Variants in HADHB observed in about 807,000 individuals in gnomAD.
The protein encoded by HADHB is trifunctional enzyme subunit beta, mitochondrial.
Under a neutral mutation model 61.9 loss-of-function variants are expected in HADHB, and 50 were observed. The ratio of observed to expected loss-of-function variants is 0.81; its 90% CI spans 0.64 to 1.02. The LOEUF is 1.02. Ranked by LOEUF, HADHB falls within the 50% of genes least tolerant of loss-of-function variation. The pLI, the probability that HADHB is intolerant of heterozygous loss-of-function variation, is 0.00. For missense variants in HADHB, 504 were observed against 586.5 expected, an observed-to-expected ratio of 0.86 and a Z score of 1.45; for synonymous variants, 191 against 201.6, an observed-to-expected ratio of 0.95 and a Z score of 0.45.
chr2:26,285,494 G>T lies in HADHB; in HGVS notation c.1312G>T (p.Val438Phe), dbSNP rs765432347. The change falls in exon 15 of 16, where the codon GTC becomes TTC. Residue 438 changes from valine to phenylalanine, a missense_variant. Val to Phe is a conservative substitution (Grantham distance 50). Transcript: ENST00000317799. ...ATTTGGAGCCACTGGCTGCAGGTTG[G>T]TCATGGCTGCTGCCAACAGATTACG... ...HPFGATGCRL[V>F]MAAANRLRKE... 7.4e-6 allele frequency: 12 copies of T among 1,613,954 alleles called. No homozygotes were observed. In the East Asian group the frequency reaches 2.5e-4, roughly 33 times the overall value.
At chr2:26,265,331 C>T (rs1427283072) in intron 4 of HADHB, among the ~76,000 whole-genome samples, 1 of 152,190 alleles carries the variant, frequency 6.6e-6, no homozygotes, top group Non-Finnish European at 1.5e-5. Context: ...TTCAGTGGCT[C>T]ACACCTGTAA....
At chr2:26,280,223 A>G (rs1672729864) in intron 10 of HADHB, 108 bp downstream of exon 10, 7 of 892,176 alleles carry the variant, frequency 7.8e-6, no homozygotes, top group Non-Finnish European at 1.1e-5. Context: ...AGGGTTAAAA[A>G]TATAGTTATT....
chr2:26,273,244 C>T (rs1044653284), intron 5 of HADHB, among the ~76,000 whole-genome samples: 22 of 151,358 alleles, frequency 1.5e-4, no homozygotes, highest in African/African-American at 5.4e-4. Context: ...TTAACATACC[C>T]AGGACTTCTT....
chr2:26,271,727 T>C (rs1228985530), intron 5 of HADHB, among the ~76,000 whole-genome samples: 1 of 152,070 alleles, frequency 6.6e-6, no homozygotes, highest in Non-Finnish European at 1.5e-5. Context: ...GGAGGATCTT[T>C]TGAGCCCAGG....
chr2:26,287,587 C>T (rs1002141098), intron 15 of HADHB, among the ~76,000 whole-genome samples: 3 of 152,302 alleles, frequency 2.0e-5, no homozygotes, highest in Admixed American at 6.5e-5. Context: ...ATACCTAGCA[C>T]CTTTCTTCTA....
chr2:26,262,913 C>G (rs895721449), intron 3 of HADHB, among the ~76,000 whole-genome samples: 2 of 151,868 alleles, frequency 1.3e-5, no homozygotes, highest in Non-Finnish European at 2.9e-5. Flanking sequence ...AATTTCTTAG[C>G]CTTTTTTTAA....
At chr2:26,264,573 A>AAAAAG (rs1553319804) in intron 4 of HADHB, among the ~76,000 whole-genome samples, 2 of 147,470 alleles carry the variant, frequency 1.4e-5, no homozygotes, top group Non-Finnish European at 1.5e-5. Context: ...AAAAAAAAAA[A>AAAAAG]GCAAGGTGCA....
intron 3 of HADHB, among the ~76,000 whole-genome samples, chr2:26,257,127 T>TC (rs1236448285): frequency 4.0e-5 from 6 of 150,018 alleles, no homozygotes; most frequent in African/African-American, 1.2e-4. Flanking sequence ...TTTTTTTTTT[T>TC]TCTTTTTTTT....
At chr2:26,269,929 A>G (rs1421631730) in intron 4 of HADHB, 24 bp from the exon 5 acceptor site, 1 of 1,572,490 alleles carries the variant, frequency 6.4e-7, no homozygotes, top group Non-Finnish European at 8.8e-7. Context: ...GTTTTGGTTT[A>G]AATTACTGGT....
At chr2:26,277,233 CTTTTTT>C (rs34696184) in intron 7 of HADHB, 73 bp downstream of exon 7, 209 of 438,482 alleles carry the variant, frequency 4.8e-4, no homozygotes, top group Middle Eastern at 1.4e-3. Context: ...TAAAAATGTA[CTTTTTT>C]TTTTTTTTTT....
chr2:26,277,646 T>C (rs1672604259), intron 7 of HADHB, among the ~76,000 whole-genome samples: 1 of 152,210 alleles, frequency 6.6e-6, no homozygotes, highest in African/African-American at 2.4e-5. Context: ...GTTAACCTCT[T>C]TTTTTGCTCT....
intron 3 of HADHB, among the ~76,000 whole-genome samples, chr2:26,262,408 G>A (rs570231454): frequency 6.6e-6 from 1 of 151,998 alleles, no homozygotes; most frequent in Non-Finnish European, 1.5e-5. Flanking sequence ...TAAAAGAAAC[G>A]ATTTGAAAGT....
Position 26,289,930 on chromosome 2 carries a change from A to G in HADHB, c.1402A>G (p.Ile468Val). ...GTTTTCTTTACAGGGCCATGCTATG[A>G]TAGTGGAAGCTTATCCAAAATAATA... ...CAAGGQGHAMIVEAYPK is the reference protein window; with the variant it reads ...CAAGGQGHAMVVEAYPK Residue 468 changes from isoleucine (I) to valine (V), a missense_variant, in exon 16 of 16, where the codon ATA becomes GTA. Physicochemically the swap from Ile to Val is conservative, Grantham distance 29. Transcript: ENST00000317799. 5 of 1,608,832 alleles carry G rather than the reference A, an allele frequency of 3.1e-6. No homozygotes were observed. Among genetic ancestry groups the G allele is most frequent in the Non-Finnish European group, 4.3e-6 (5 of 1,175,212 alleles).
At chr2:26,282,423 G>C (rs1317914156) in intron 10 of HADHB, among the ~76,000 whole-genome samples, 1 of 151,674 alleles carries the variant, frequency 6.6e-6, no homozygotes, top group Non-Finnish European at 1.5e-5. Context: ...ACCACACCTG[G>C]CTAAGTTTTT....
chr2:26,279,144 G>A lies in HADHB; in HGVS notation c.640G>A (p.Val214Ile), dbSNP rs149693931. The A allele has an allele frequency of 5.5e-5, 89 of 1,613,686 alleles. No homozygotes were observed. The African/African-American group carries it at 1.1e-3, about 19-fold the overall frequency. ...ATATCTCCTTTCCCAGCTCCCTGCG[G>A]TTTCTGAGTTCTCCACCAGTGAGAC... ...FNFLAPELPAVSEFSTSETMG... is the reference protein window; with the variant it reads ...FNFLAPELPAISEFSTSETMG... The change falls in exon 9 of 16, where the codon GTT (valine) becomes ATT (isoleucine). Residue 214 changes from valine (V) to isoleucine (I), a missense_variant. Coordinates refer to ENST00000317799, the MANE Select transcript of HADHB (RefSeq NM_000183.3).
At chr2:26,279,005 T>G in intron 8 of HADHB, 130 bp from the exon 9 acceptor site, 1 of 931,404 alleles carries the variant, frequency 1.1e-6, no homozygotes, top group South Asian at 1.3e-5. Flanking sequence ...GATCCTCTGC[T>G]TGTCTTGGAC....
intron 8 of HADHB, 46 bp from the exon 9 acceptor site, chr2:26,279,089 A>T: frequency 6.9e-7 from 1 of 1,458,734 alleles, no homozygotes; most frequent in Non-Finnish European, 9.6e-7. Context: ...TGTTAGCATA[A>T]CACCGGTTAA....
At chr2:26,266,237 A>G (rs1469728185) in intron 4 of HADHB, among the ~76,000 whole-genome samples, 3 of 152,006 alleles carry the variant, frequency 2.0e-5, no homozygotes, top group African/African-American at 4.8e-5. Flanking sequence ...GAGCTATGCT[A>G]TTGCACTTCA....
chr2:26,277,036 C>T (rs746642489), intron 6 of HADHB, 37 bp from the exon 7 acceptor site: 4 of 995,900 alleles, frequency 4.0e-6, no homozygotes, highest in Non-Finnish European at 6.5e-6. Context: ...ATGCCCTTCC[C>T]TTATAGTGAT....
Sources: gnomAD v4.1 joint callset for allele counts (sites outside exome capture counted in the v4.1 genomes callset) on GRCh38, gnomAD v4.1.1 for gene constraint, MANE v1.5 for transcripts, NCBI Gene and HGNC (gene_info 2026-07-23, HGNC 2026-07-21) for gene names.